VPS13B: variants seen among roughly 807,000 people sequenced by gnomAD.
VPS13B encodes the protein vacuolar protein sorting 13 homolog B.
Under a neutral mutation model 426.4 loss-of-function variants are expected in VPS13B, and 285 were observed. That is an observed-to-expected ratio of 0.67 (90% confidence interval 0.61 to 0.74). The LOEUF (loss-of-function observed/expected upper bound fraction) is 0.74. Among genes scored for constraint, VPS13B ranks in the 30% least tolerant of loss-of-function variants. VPS13B has a pLI of 0.00. For missense variants in VPS13B, 4,537 were observed against 4,782.6 expected, an observed-to-expected ratio of 0.95 and a Z score of 1.51; for synonymous variants, 1,676 against 1,676.4, an observed-to-expected ratio of 1.00 and a Z score of 0.01.
chr8:99,442,852 G>A (rs1817742451), intron 23 of VPS13B, among the ~76,000 whole-genome samples: 1 of 151,962 alleles, frequency 6.6e-6, no homozygotes, highest in Non-Finnish European at 1.5e-5. Context: ...AAGATCATAT[G>A]CAATATAATA....
At chr8:99,807,152 T>C (rs1044070561) in intron 43 of VPS13B, among the ~76,000 whole-genome samples, 6 of 152,232 alleles carry the variant, frequency 3.9e-5, no homozygotes, top group Non-Finnish European at 2.9e-5. Context: ...TCCAAACATA[T>C]CTGAATTTTC....
chr8:99,443,567 G>C (rs1208320966), intron 23 of VPS13B, among the ~76,000 whole-genome samples: 1 of 152,116 alleles, frequency 6.6e-6, no homozygotes, highest in Non-Finnish European at 1.5e-5. Context: ...AGGTTAAAGG[G>C]AATGTTTTTA....
chr8:99,427,263 A>C (rs1398412475), intron 21 of VPS13B, among the ~76,000 whole-genome samples: 2 of 102,664 alleles, frequency 1.9e-5, no homozygotes, highest in African/African-American at 7.9e-5. Flanking sequence ...GTTCTGTTCC[A>C]TTGATCTATA....
chr8:99,363,198 A>T (rs1177654151), intron 19 of VPS13B, among the ~76,000 whole-genome samples: 3 of 152,072 alleles, frequency 2.0e-5, no homozygotes, highest in African/African-American at 7.2e-5. Context: ...AGATAGAGGG[A>T]TGGGGTCTAG....
intron 33 of VPS13B, among the ~76,000 whole-genome samples, chr8:99,640,025 TAAG>T (rs1200705406): frequency 0.024 from 2,448 of 104,168 alleles, 78 homozygotes; most frequent in Non-Finnish European, 0.032. Flanking sequence ...ATAATAATAA[TAAG>T]AAGAAGAAGA....
intron 33 of VPS13B, among the ~76,000 whole-genome samples, chr8:99,607,335 A>G (rs1827639881): frequency 6.6e-6 from 1 of 152,220 alleles, no homozygotes; most frequent in Non-Finnish European, 1.5e-5. Flanking sequence ...TTAATGACCA[A>G]TGGTAGTTTA....
At chr8:99,301,434 C>T (rs1343848816) in intron 19 of VPS13B, among the ~76,000 whole-genome samples, 1 of 151,962 alleles carries the variant, frequency 6.6e-6, no homozygotes, top group Non-Finnish European at 1.5e-5. Context: ...GCTGGGATTA[C>T]AGGCATGCAC....
At chr8:99,610,049 G>C (rs574270236) in intron 33 of VPS13B, among the ~76,000 whole-genome samples, 1 of 152,196 alleles carries the variant, frequency 6.6e-6, no homozygotes, top group African/African-American at 2.4e-5. Flanking sequence ...TTCTGTCCCT[G>C]TTTCTTTTTT....
chr8:99,230,637 A>G lies in VPS13B; in HGVS notation c.2515+37580A>G, dbSNP rs180723441. On this transcript the variant is annotated intron_variant, in intron 17 of 61. Transcript: ENST00000357162. The stretch of plus-strand genomic sequence containing the variant: ...TTTAGGCAAGTCTCTTTACCTCTTT[A>G]ACAATCAGTTTCCTCCTCTGTAGAA... Among the ~76,000 whole-genome samples the G allele has an allele frequency of 2.0e-5, 3 of 152,314 alleles. No homozygotes were observed. In the East Asian group the frequency reaches 5.8e-4, roughly 29 times the overall value.
chr8:99,077,114 G>T (rs1470945479), intron 3 of VPS13B, among the ~76,000 whole-genome samples: 1 of 151,702 alleles, frequency 6.6e-6, no homozygotes, highest in African/African-American at 2.4e-5. Context: ...TTTCTTTTAG[G>T]GTGGTTTAGT....
In VPS13B at chr8:99,876,538, G is replaced by C. The variant is rs1817709885; in HGVS notation, c.*872G>C. 1 of 152,106 alleles carries C rather than the reference G, an allele frequency of 6.6e-6. No homozygotes were observed. The highest frequency in any genetic ancestry group is 1.5e-5 in the Non-Finnish European group (1 of 68,044). The allele number at this position is 152,106 out of a possible 1,614,324, so 9.4% of individuals were successfully genotyped here. A position where few individuals can be genotyped will look rare whatever the true frequency, so the allele number is the denominator to read the frequency against. ...AAAACATACATAGTGGGAACTCCCT[G>C]GTATGCCATAGAGCACACAAGAACC... On this transcript the variant is annotated 3_prime_UTR_variant, in exon 62 of 62. Transcript: ENST00000357162.
chr8:99,380,658 A>C (rs1320726507), intron 19 of VPS13B, among the ~76,000 whole-genome samples: 2 of 151,886 alleles, frequency 1.3e-5, no homozygotes, highest in Non-Finnish European at 2.9e-5. Context: ...AAAAAAGATA[A>C]ATTTCTTTTT....
chr8:99,355,954 A>G (rs1354265718), intron 19 of VPS13B, among the ~76,000 whole-genome samples: 2 of 152,124 alleles, frequency 1.3e-5, no homozygotes, highest in Non-Finnish European at 2.9e-5. Flanking sequence ...TGCCTAAGAA[A>G]TATTTGTTGG....
intron 19 of VPS13B, among the ~76,000 whole-genome samples, chr8:99,312,573 C>T (rs952757869): frequency 3.3e-5 from 5 of 152,300 alleles, no homozygotes; most frequent in South Asian, 4.1e-4. Context: ...TGTGGGTAAC[C>T]GGACCTTTCT....
chr8:99,651,619 A>G (rs1482896817), intron 34 of VPS13B, among the ~76,000 whole-genome samples: 1 of 152,090 alleles, frequency 6.6e-6, no homozygotes, highest in African/African-American at 2.4e-5. Flanking sequence ...TTAAATAAAG[A>G]TGTATGTAGT....
intron 23 of VPS13B, among the ~76,000 whole-genome samples, chr8:99,451,432 A>G (rs1818193171): frequency 6.6e-6 from 1 of 152,228 alleles, no homozygotes; most frequent in Admixed American, 6.5e-5. Flanking sequence ...GCTTGTTGAT[A>G]TCTTACAAGC....
chr8:99,082,667 GCTTTCTA>G (rs1450146801), intron 3 of VPS13B, among the ~76,000 whole-genome samples: 9 of 152,148 alleles, frequency 5.9e-5, no homozygotes, highest in Non-Finnish European at 8.8e-5. Flanking sequence ...TCCAGTTTCA[GCTTTCTA>G]CATATGGCTA....
At chr8:99,732,700 G>A (rs532867261) in intron 39 of VPS13B, among the ~76,000 whole-genome samples, 11 of 152,312 alleles carry the variant, frequency 7.2e-5, no homozygotes, top group Admixed American at 2.0e-4. Flanking sequence ...AAGAAAACTC[G>A]CTTTCCAGTT....
intron 17 of VPS13B, among the ~76,000 whole-genome samples, chr8:99,204,420 A>G (rs1814555448): frequency 6.6e-6 from 1 of 152,214 alleles, no homozygotes; most frequent in African/African-American, 2.4e-5. Context: ...AAGAAAACCT[A>G]GGCAATACCA....
Sources: allele counts gnomAD v4.1 joint callset (sites outside exome capture counted in the v4.1 genomes callset), GRCh38; gene constraint gnomAD v4.1.1; transcripts MANE v1.5; gene names NCBI Gene and HGNC (gene_info 2026-07-23, HGNC 2026-07-21).